DPY19L1: variants seen among roughly 807,000 people sequenced by gnomAD.
The protein encoded by DPY19L1 is protein C-mannosyl-transferase DPY19L1.
DPY19L1 carries 35 observed loss-of-function variants against 96.9 expected under a neutral mutation model. That is an observed-to-expected ratio of 0.36 (90% CI 0.28 to 0.48). DPY19L1 has a LOEUF of 0.48. DPY19L1 is among the 20% of genes least tolerant of loss of function. The pLI, the probability that DPY19L1 is intolerant of heterozygous loss-of-function variation, is 0.99. For synonymous variants in DPY19L1, 205 were observed against 252.6 expected (o/e 0.81, Z 1.79); for missense variants, 521 against 777.9 (o/e 0.67, Z 3.93).
At chr7:34,992,987 T>G (rs1785206171) in intron 6 of DPY19L1, among the ~76,000 whole-genome samples, 1 of 152,212 alleles carries the variant, frequency 6.6e-6, no homozygotes, top group Non-Finnish European at 1.5e-5. Context: ...TTCATTCCTT[T>G]GGAGTTCGTG....
chr7:35,018,632 C>T, intron 1 of DPY19L1, 36 bp from the exon 2 acceptor site: 1 of 1,576,052 alleles, frequency 6.3e-7, no homozygotes, highest in Non-Finnish European at 8.7e-7. Context: ...AGAATTTTAG[C>T]ATAAACATGT....
intron 6 of DPY19L1, among the ~76,000 whole-genome samples, chr7:35,001,812 A>G (rs1162975445): frequency 6.6e-6 from 1 of 152,118 alleles, no homozygotes; most frequent in Non-Finnish European, 1.5e-5. Flanking sequence ...CATGGAAGGT[A>G]GAGACCAAAG....
At chr7:34,992,763 A>T (rs1397743906) in intron 6 of DPY19L1, among the ~76,000 whole-genome samples, 1 of 152,030 alleles carries the variant, frequency 6.6e-6, no homozygotes, top group Non-Finnish European at 1.5e-5. Flanking sequence ...CTTTGCTTAG[A>T]TCAGACTATA....
At chr7:34,946,588 T>TA (rs1408475052) in intron 15 of DPY19L1, among the ~76,000 whole-genome samples, 1 of 152,176 alleles carries the variant, frequency 6.6e-6, no homozygotes, top group African/African-American at 2.4e-5. Flanking sequence ...CAAACCCACA[T>TA]AAACTATACA....
intron 11 of DPY19L1, among the ~76,000 whole-genome samples, chr7:34,957,331 C>T (rs1312518479): frequency 6.6e-6 from 1 of 151,886 alleles, no homozygotes; most frequent in Non-Finnish European, 1.5e-5. Context: ...GCCAAGATTG[C>T]GCCATTGCAC....
chr7:35,002,357 AG>A (rs1785447817), intron 6 of DPY19L1, among the ~76,000 whole-genome samples: 2 of 152,102 alleles, frequency 1.3e-5, no homozygotes, highest in African/African-American at 2.4e-5. Context: ...ATAAAAACTC[AG>A]TAGAAGGTTG....
chr7:35,023,668 A>G (rs1462787147), intron 1 of DPY19L1, among the ~76,000 whole-genome samples: 5 of 152,250 alleles, frequency 3.3e-5, no homozygotes, highest in South Asian at 4.2e-4. Context: ...CCTCCAAGGC[A>G]CATAGCTGGT....
intron 7 of DPY19L1, 51 bp from the exon 8 acceptor site, chr7:34,973,656 T>C: frequency 9.7e-7 from 1 of 1,034,402 alleles, no homozygotes; most frequent in Non-Finnish European, 1.3e-6. Context: ...TACTAAGACA[T>C]TCCAAGTAAA....
chr7:34,941,369 C>A (rs1164781780), intron 18 of DPY19L1, among the ~76,000 whole-genome samples: 3 of 151,088 alleles, frequency 2.0e-5, no homozygotes, highest in African/African-American at 7.3e-5. Flanking sequence ...ATTGCACCAA[C>A]TGAAAAAAAA....
intron 7 of DPY19L1, among the ~76,000 whole-genome samples, chr7:34,986,839 C>T (rs1785059062): frequency 6.6e-6 from 1 of 151,944 alleles, no homozygotes; most frequent in Admixed American, 6.6e-5. Flanking sequence ...CTTTCGGGGG[C>T]AATCCTTTCA....
At chr7:34,959,882 T>C (rs1452902389) in intron 10 of DPY19L1, among the ~76,000 whole-genome samples, 1 of 137,008 alleles carries the variant, frequency 7.3e-6, no homozygotes, top group Non-Finnish European at 1.5e-5. Context: ...TTAATATATA[T>C]GTTTATTTGT....
chr7:35,012,655 T>A (rs1168401329), intron 4 of DPY19L1, among the ~76,000 whole-genome samples: 3 of 152,072 alleles, frequency 2.0e-5, no homozygotes. Flanking sequence ...TTAAAAAAAA[T>A]TATGATTATA....
At chr7:35,012,553 A>G (rs1250872735) in intron 4 of DPY19L1, among the ~76,000 whole-genome samples, 1 of 152,230 alleles carries the variant, frequency 6.6e-6, no homozygotes, top group Non-Finnish European at 1.5e-5. Context: ...GTGTTAGGTT[A>G]CACACAATAC....
At chr7:35,018,932 A>G (rs1415638890) in intron 1 of DPY19L1, among the ~76,000 whole-genome samples, 1 of 152,170 alleles carries the variant, frequency 6.6e-6, no homozygotes, top group Non-Finnish European at 1.5e-5. Flanking sequence ...ATAAAGAAAT[A>G]TGGTGGCTGA....
chr7:35,009,263 C>T (rs1045740112), intron 6 of DPY19L1, among the ~76,000 whole-genome samples: 5 of 152,018 alleles, frequency 3.3e-5, no homozygotes, highest in African/African-American at 9.7e-5. Flanking sequence ...GGAGATAATG[C>T]GATAATAGCA....
intron 1 of DPY19L1, among the ~76,000 whole-genome samples, chr7:35,035,885 C>G (rs961086895): frequency 6.8e-6 from 1 of 146,806 alleles, no homozygotes; most frequent in African/African-American, 2.5e-5. Flanking sequence ...TACTAGCCAG[C>G]TTTTCAAGCT....
Position 34,930,881 on chromosome 7 carries a change from GAAGAGAGAGAGC to G in DPY19L1, c.*680_*691del, listed in dbSNP as rs1253489201. 3.9e-4 allele frequency: 59 copies of G among 152,192 alleles called. No homozygotes were observed. 9.4% of individuals were successfully genotyped at this position (152,192 alleles called of 1,614,324 possible). On this transcript the variant is annotated 3_prime_UTR_variant, in exon 22 of 22. Coordinates refer to ENST00000638088, the MANE Select transcript of DPY19L1 (RefSeq NM_001366673.1). The stretch of plus-strand genomic sequence containing the variant: ...TTGACAGAAAATATGGGGAAGAGGA[GAAGAGAGAGAGC>G]AAGAGAGAGAGAGAAAGAGACACGA...
At chr7:35,020,047 C>A (rs1428601084) in intron 1 of DPY19L1, among the ~76,000 whole-genome samples, 3 of 152,060 alleles carry the variant, frequency 2.0e-5, no homozygotes, top group Non-Finnish European at 4.4e-5. Flanking sequence ...CTGGGAGGAT[C>A]GCTTGAGTCC....
intron 20 of DPY19L1, 115 bp downstream of exon 20, chr7:34,939,161 A>T: frequency 1.2e-6 from 1 of 868,120 alleles, no homozygotes; most frequent in Non-Finnish European, 1.7e-6. Context: ...CTGACTCGAT[A>T]AGCCTCAGTT....
Sources: allele counts gnomAD v4.1 joint callset (sites outside exome capture counted in the v4.1 genomes callset), GRCh38; gene constraint gnomAD v4.1.1; transcripts MANE v1.5; gene names NCBI Gene and HGNC (gene_info 2026-07-23, HGNC 2026-07-21).